Variants in PCTP observed in about 807,000 individuals in gnomAD.
PCTP encodes START domain-containing protein 2.
A neutral mutation model predicts 31.0 loss-of-function variants in PCTP; 27 were observed. The ratio of observed to expected loss-of-function variants is 0.87; its 90% CI spans 0.64 to 1.20. The LOEUF (loss-of-function observed/expected upper bound fraction) is 1.20, where lower values mean the gene tolerates loss of function less well. Ranked by LOEUF, PCTP falls within the 50% of genes most tolerant of loss-of-function variation. The probability of loss-of-function intolerance (pLI) is 0.00; values close to 1 mark genes in which losing one functional copy is unlikely to be tolerated. For missense variants in PCTP, 287 were observed against 268.2 expected, an observed-to-expected ratio of 1.07 and a Z score of -0.49; for synonymous variants, 108 against 101.2, an observed-to-expected ratio of 1.07 and a Z score of -0.40.
intron 2 of PCTP, among the ~76,000 whole-genome samples, chr17:55,786,215 A>G (rs182616691): frequency 6.6e-6 from 1 of 152,246 alleles, no homozygotes; most frequent in African/African-American, 2.4e-5. Flanking sequence ...CCCGGGAGGT[A>G]GTGGAGGTTG....
intron 1 of PCTP, 61 bp downstream of exon 1, chr17:55,751,305 C>T (rs1909692295): frequency 6.6e-7 from 1 of 1,517,406 alleles, no homozygotes; most frequent in Non-Finnish European, 8.8e-7. Flanking sequence ...GACCTCCCCG[C>T]AGGGAGTGCG....
chr17:55,760,244 A>G (rs1467983261), intron 1 of PCTP, among the ~76,000 whole-genome samples: 1 of 152,164 alleles, frequency 6.6e-6, no homozygotes, highest in African/African-American at 2.4e-5. Context: ...TTCACTGTAG[A>G]TATTGGTTTT....
At chr17:55,845,159 T>G (rs1906106824), downstream of PCTP, among the ~76,000 whole-genome samples, 2 of 146,668 alleles carry the variant, frequency 1.4e-5, no homozygotes, top group African/African-American at 5.0e-5. Context: ...GCACTAAACA[T>G]TTAATAAATG....
At chr17:55,784,738 AC>A (rs1395699974) in intron 2 of PCTP, among the ~76,000 whole-genome samples, 1 of 152,212 alleles carries the variant, frequency 6.6e-6, no homozygotes, top group East Asian at 1.9e-4. Context: ...GAAAGGTTTA[AC>A]CTCTTCTGCT....
chr17:55,756,956 T>C (rs562586687), intron 1 of PCTP, among the ~76,000 whole-genome samples: 1 of 152,188 alleles, frequency 6.6e-6, no homozygotes, highest in East Asian at 1.9e-4. Context: ...CCAGGTGATA[T>C]TGATCAGTTA....
At chr17:55,775,384 G>C in intron 5 of PCTP, 1 of 1,232,250 alleles carries the variant, frequency 8.1e-7, no homozygotes, top group Non-Finnish European at 1.0e-6. Context: ...CCATCAGCCT[G>C]CTTTGCACAA....
chr17:55,837,782 A>G (rs554947299), intron 5 of PCTP, among the ~76,000 whole-genome samples: 1 of 152,062 alleles, frequency 6.6e-6, no homozygotes, highest in Admixed American at 6.6e-5. Flanking sequence ...TTCCTCATTC[A>G]CTTCATTGTC....
chr17:55,770,861 A>G, intron 2 of PCTP: 1 of 359,704 alleles, frequency 2.8e-6, no homozygotes, highest in Non-Finnish European at 5.1e-6. Flanking sequence ...CTGGGACTAC[A>G]GACATGCACC....
chr17:55,843,924 AG>A (rs1458071565), downstream of PCTP, among the ~76,000 whole-genome samples: 3 of 152,206 alleles, frequency 2.0e-5, no homozygotes, highest in African/African-American at 4.8e-5. Context: ...CACTAATGTC[AG>A]TGACAGAGAT....
rs148068776 is a variant in PCTP at position 55,816,967 on chromosome 17, C to T, written c.318-5794C>T. On this transcript the variant is annotated intron_variant, in intron 3 of 3. Coordinates refer to the PCTP transcript ENST00000572536. ...AGTTTTAACCTCAAATGAACTCCCC[C>T]GTCTGAGTAAATTTCCTGGTAAAAG... 3.2e-3 allele frequency among the ~76,000 whole-genome samples: 490 copies of T among 152,230 alleles called. 3 individuals are homozygous for T. The highest frequency in any genetic ancestry group is 0.011 in the African/African-American group (440 of 41,530).
chr17:55,786,891 C>A (rs1911766888), intron 2 of PCTP, among the ~76,000 whole-genome samples: 1 of 152,176 alleles, frequency 6.6e-6, no homozygotes, highest in Non-Finnish European at 1.5e-5. Flanking sequence ...TAGGATCCTG[C>A]ATCACCTGTA....
chr17:55,802,843 C>T (rs969734917), intron 3 of PCTP, among the ~76,000 whole-genome samples: 2 of 152,142 alleles, frequency 1.3e-5, no homozygotes, highest in African/African-American at 4.8e-5. Flanking sequence ...TCCTATTCAA[C>T]ATAGTATTGG....
intron 5 of PCTP, among the ~76,000 whole-genome samples, chr17:55,842,010 C>T (rs1365116031): frequency 6.6e-6 from 1 of 152,078 alleles, no homozygotes; most frequent in Non-Finnish European, 1.5e-5. Flanking sequence ...AGTACACCTC[C>T]CATATTCAGA....
rs1911982154 is a variant in PCTP, at chr17:55,791,568, C to T, written c.317+3914C>T. ...ACACATGAAAAAATGCTCACCATCA[C>T]TGGCCATCAGAGAAATGCAAATCAA... is the stretch of plus-strand genomic sequence containing the variant. On this transcript the variant is annotated intron_variant, in intron 3 of 3. Coordinates refer to the PCTP transcript ENST00000572536. 2.0e-5 allele frequency among the ~76,000 whole-genome samples: 3 copies of T among 148,624 alleles called. No homozygotes were observed. The South Asian group carries it at 6.5e-4, about 32-fold the overall frequency.
At chr17:55,817,051 T>C (rs1360067156) in intron 3 of PCTP, among the ~76,000 whole-genome samples, 1 of 152,246 alleles carries the variant, frequency 6.6e-6, no homozygotes, top group Non-Finnish European at 1.5e-5. Context: ...GATCACAGTA[T>C]GGTCTGTTAG....
chr17:55,817,534 C>T (rs796414521), intron 3 of PCTP, among the ~76,000 whole-genome samples: 10 of 152,244 alleles, frequency 6.6e-5, no homozygotes, highest in Admixed American at 2.6e-4. Flanking sequence ...TCAGTTCTTC[C>T]GGTAGAATGG....
chr17:55,840,631 C>T (rs1037950754), intron 5 of PCTP, among the ~76,000 whole-genome samples: 2 of 152,122 alleles, frequency 1.3e-5, no homozygotes, highest in Non-Finnish European at 2.9e-5. Flanking sequence ...ATTCACATTA[C>T]CTTTATTATG....
At chr17:55,773,918 G>T in intron 4 of PCTP, 23 bp downstream of exon 4, 1 of 1,571,700 alleles carries the variant, frequency 6.4e-7, no homozygotes. Flanking sequence ...GTGCCTGTCA[G>T]TGCACCCAGC....
intron 1 of PCTP, among the ~76,000 whole-genome samples, chr17:55,763,540 G>A (rs1192301713): frequency 6.6e-6 from 1 of 151,522 alleles, no homozygotes; most frequent in African/African-American, 2.4e-5. Context: ...AAATTTTTTT[G>A]GAGAATAATT....
Sources: allele counts gnomAD v4.1 joint callset (sites outside exome capture counted in the v4.1 genomes callset), GRCh38; gene constraint gnomAD v4.1.1; transcripts MANE v1.5; gene names NCBI Gene and HGNC (gene_info 2026-07-23, HGNC 2026-07-21).